Variants in COL4A4 observed in about 807,000 individuals in gnomAD.
COL4A4 encodes collagen type IV alpha 4 chain.
Under a neutral mutation model 192.9 loss-of-function variants are expected in COL4A4, and 105 were observed. The observed-to-expected ratio is 0.54, with a 90% CI of 0.46 to 0.64. The LOEUF is 0.64. Ranked by LOEUF, COL4A4 falls within the 30% of genes least tolerant of loss-of-function variation. The pLI, the probability that COL4A4 is intolerant of heterozygous loss-of-function variation, is 0.00. For missense variants in COL4A4, 1,967 were observed against 2,169.3 expected, an observed-to-expected ratio of 0.91 and a Z score of 1.85; for synonymous variants, 762 against 769.9, an observed-to-expected ratio of 0.99 and a Z score of 0.17.
At chr2:227,100,059 C>T (rs540545088) in intron 17 of COL4A4, among the ~76,000 whole-genome samples, 4 of 152,264 alleles carry the variant, frequency 2.6e-5, no homozygotes, top group African/African-American at 9.6e-5. Flanking sequence ...TAACAAGGTC[C>T]GAATCTACAT....
At chr2:227,112,961 CT>C (rs138648313) in intron 8 of COL4A4, among the ~76,000 whole-genome samples, 1,671 of 152,302 alleles carry the variant, frequency 0.011, 36 homozygotes, top group African/African-American at 0.038. Context: ...ATCCATTCAT[CT>C]GTTGATGGAC....
intron 22 of COL4A4, among the ~76,000 whole-genome samples, chr2:227,084,023 C>T (rs1182883926): frequency 1.3e-5 from 2 of 152,190 alleles, no homozygotes; most frequent in African/African-American, 4.8e-5. Context: ...TCTCTGATAT[C>T]ACTCTAGTAT....
intron 6 of COL4A4, 119 bp downstream of exon 6, chr2:227,119,747 GTATATATAGCAAATATTTGCTATATATAA>G: frequency 3.2e-6 from 1 of 311,708 alleles, no homozygotes; most frequent in Non-Finnish European, 5.9e-6. Flanking sequence ...GTTGCTTGTG[GTATATATAGCAAATATTTGCTATATATAA>G]TATATATATT....
intron 41 of COL4A4, among the ~76,000 whole-genome samples, chr2:227,029,502 G>A (rs569717971): frequency 3.3e-5 from 5 of 152,304 alleles, no homozygotes; most frequent in African/African-American, 7.2e-5. Context: ...TAGTCATGGC[G>A]GCCTCACAGT....
intron 46 of COL4A4, among the ~76,000 whole-genome samples, chr2:227,008,892 T>C (rs1233430642): frequency 6.6e-6 from 1 of 152,132 alleles, no homozygotes; most frequent in Non-Finnish European, 1.5e-5. Context: ...AATCAGACCA[T>C]TGGATGTGGC....
the COL4A4 span, among the ~76,000 whole-genome samples, chr2:226,984,878 A>C: frequency 8.0e-6 from 1 of 124,486 alleles, no homozygotes. Flanking sequence ...TGAGAGCTAG[A>C]TGGGCCTTTT....
Position 227,032,658 on chromosome 2 carries a change from G to A in COL4A4, c.3578-382C>T, listed in dbSNP as rs114100271. ...CTATTGTGGAATTTCACACTGGGAA[G>A]GAAGGACATCAGTGTTTTCTTGGAA... On this transcript the variant is annotated intron_variant, in intron 38 of 47. Transcript: ENST00000396625. Among the ~76,000 whole-genome samples the A allele has an allele frequency of 2.0e-3, 307 of 152,320 alleles. 3 individuals carry two copies. Among genetic ancestry groups the A allele is most frequent in the South Asian group, 6.2e-3 (30 of 4,822 alleles).
chr2:227,130,695 C>T (rs2125154003), intron 4 of COL4A4, among the ~76,000 whole-genome samples: 1 of 152,338 alleles, frequency 6.6e-6, no homozygotes, highest in East Asian at 1.9e-4. Context: ...CCAGACCTTT[C>T]TTTCTGAGTG....
At chr2:227,126,208 C>A (rs2062077433) in intron 4 of COL4A4, among the ~76,000 whole-genome samples, 2 of 152,150 alleles carry the variant, frequency 1.3e-5, no homozygotes, top group South Asian at 4.1e-4. Context: ...GGAGGATGTG[C>A]ATAGGTTATA....
intron 22 of COL4A4, 125 bp from the exon 23 acceptor site, chr2:227,082,312 T>C (rs1396790427): frequency 9.8e-6 from 9 of 922,718 alleles, no homozygotes; most frequent in East Asian, 7.2e-5. Flanking sequence ...CTTGGCATTC[T>C]TGGTCTCTTC....
At chr2:226,972,448 G>A in the COL4A4 span, among the ~76,000 whole-genome samples, 4,536 of 152,164 alleles carry the variant, frequency 0.03, 75 homozygotes, top group Middle Eastern at 0.095. Context: ...GCCCTGCTAT[G>A]CCCCCTGGAA....
chr2:226,994,569 C>G, the COL4A4 span, among the ~76,000 whole-genome samples: 1 of 152,132 alleles, frequency 6.6e-6, no homozygotes, highest in Non-Finnish European at 1.5e-5. Flanking sequence ...AAGGTACAGC[C>G]TTTTTGGTCC....
At chr2:227,109,335 C>T (rs1375674671) in intron 9 of COL4A4, 49 bp from the exon 10 acceptor site, 1 of 1,481,510 alleles carries the variant, frequency 6.7e-7, no homozygotes, top group Admixed American at 1.7e-5. Flanking sequence ...TTGTAATCAT[C>T]TTTCACAGAA....
At chr2:227,033,306 TGCC>T in intron 38 of COL4A4, 101 bp downstream of exon 38, 3 of 961,182 alleles carry the variant, frequency 3.1e-6, no homozygotes, top group Admixed American at 3.9e-5. Flanking sequence ...TTTTCAGTTT[TGCC>T]TCCAAATCTC....
At chr2:227,114,260 T>C (rs2124916166) in intron 8 of COL4A4, among the ~76,000 whole-genome samples, 2 of 152,360 alleles carry the variant, frequency 1.3e-5, no homozygotes, top group East Asian at 1.9e-4. Flanking sequence ...GGGGATGCTA[T>C]TGGCGTCTAA....
At position 227,099,652 on chromosome 2, in the gene COL4A4, C is replaced by A; in HGVS notation, c.1067G>T (p.Gly356Val). Residue 356 changes from glycine (G) to valine (V), a missense_variant, in exon 18 of 48, where the codon GGT becomes GTT. Gly to Val is a moderately radical substitution (Grantham distance 109). Coordinates refer to ENST00000396625, the MANE Select transcript of COL4A4 (RefSeq NM_000092.5). Reference protein sequence around the residue: ...PGNRGHPGPPGVLVTPPLPLK... With the variant: ...PGNRGHPGPPVVLVTPPLPLK... ...TGGAAGAGGTGGAGTCACCAAAACA[C>A]CTGGTGGTCCTGGGTGCCCTCGATT... 1 of 1,614,122 alleles carries A rather than the reference C, an allele frequency of 6.2e-7. No homozygotes were observed. Among genetic ancestry groups the A allele is most frequent in the South Asian group, 1.1e-5 (1 of 91,082 alleles).
At chr2:226,989,651 C>A in the COL4A4 span, among the ~76,000 whole-genome samples, 1 of 152,152 alleles carries the variant, frequency 6.6e-6, no homozygotes, top group Non-Finnish European at 1.5e-5. Flanking sequence ...CTGACCATAT[C>A]TTGTCTATAT....
Position 227,062,454 on chromosome 2 carries a change from T to G in COL4A4, c.2056+76A>C, listed in dbSNP as rs78291383. On this transcript the variant is annotated intron_variant, in intron 26 of 47. Transcript: ENST00000396625. ...CCTAACTAGTCTGAGGATTCACTCT[T>G]GGTTTATCTGTCTGGCTGGTTTTTT... is the stretch of plus-strand genomic sequence containing the variant. 545 of 925,272 alleles carry G rather than the reference T, an allele frequency of 5.9e-4. 5 individuals are homozygous for G. In the African/African-American group the frequency reaches 7.0e-3, roughly 12 times the overall value. The allele number at this position is 925,272 out of a possible 1,614,324, so 57.3% of individuals were successfully genotyped here.
At chr2:227,061,728 ATATCT>A (rs138875291) in intron 26 of COL4A4, among the ~76,000 whole-genome samples, 3,625 of 152,292 alleles carry the variant, frequency 0.024, 124 homozygotes, top group African/African-American at 0.082. Context: ...GTTAGGCAAA[ATATCT>A]TAGATAGATT....
Sources: gnomAD v4.1 joint callset for allele counts (sites outside exome capture counted in the v4.1 genomes callset) on GRCh38, gnomAD v4.1.1 for gene constraint, MANE v1.5 for transcripts, NCBI Gene and HGNC (gene_info 2026-07-23, HGNC 2026-07-21) for gene names.